The following TNNT2 variants were observed in gnomAD, a reference collection of about 807,000 sequenced individuals.
The protein encoded by TNNT2 is troponin T2, cardiac type, also known as troponin T, cardiac muscle.
TNNT2 carries 34 observed loss-of-function variants against 62.4 expected under a neutral mutation model. The observed-to-expected ratio is 0.54, with a 90% CI of 0.41 to 0.72. The LOEUF is 0.72. Among genes scored for constraint, TNNT2 ranks in the 30% least tolerant of loss-of-function variants. The pLI is 0.00. For missense variants in TNNT2, 275 were observed against 381.9 expected (o/e 0.72, Z 2.33); for synonymous variants, 123 against 127.2 (o/e 0.97, Z 0.22).
At chr1:201,370,156 G>A (rs539980759) in intron 4 of TNNT2, among the ~76,000 whole-genome samples, 7 of 152,326 alleles carry the variant, frequency 4.6e-5, no homozygotes, top group Admixed American at 1.3e-4. Context: ...AGGAGCATGC[G>A]ATCTGTGGTA....
intron 6 of TNNT2, among the ~76,000 whole-genome samples, 156 bp downstream of exon 6, chr1:201,368,006 T>C (rs1310364014): frequency 6.6e-6 from 1 of 152,058 alleles, no homozygotes; most frequent in African/African-American, 2.4e-5. Context: ...TGGGTCAACG[T>C]TTGTTGATTG....
rs1183797260 is a variant in TNNT2 at position 201,361,478 on chromosome 1, C to T, written c.720-109G>A. On this transcript the variant is annotated intron_variant, in intron 14 of 16. Coordinates refer to ENST00000656932, the MANE Select transcript of TNNT2 (RefSeq NM_001276345.2). ...GCATCCCAGCCCTCCTTCCCACCTC[C>T]AGGCCTGCCAAGGGTACCCCAGCCC... 2.8e-6 allele frequency: 3 copies of T among 1,078,998 alleles called. No homozygotes were observed. In the Admixed American group the frequency reaches 5.1e-5, roughly 18 times the overall value. 66.8% of individuals were successfully genotyped at this position (1,078,998 alleles called of 1,614,324 possible). A position where few individuals can be genotyped will look rare whatever the true frequency, so the allele number is the denominator to read the frequency against.
Position 201,364,654 on chromosome 1 carries a change from A to C in TNNT2, c.412-279T>G, listed in dbSNP as rs117962659. ...CAGGCTCCTTCTGGGCTCTGCCCCCACCTCCATCCCACCCTGCCCTGGCAG... is the reference window on the plus strand; with the variant it reads ...CAGGCTCCTTCTGGGCTCTGCCCCCCCCTCCATCCCACCCTGCCCTGGCAG... On this transcript the variant is annotated intron_variant, in intron 10 of 16. Coordinates refer to ENST00000656932, the MANE Select transcript of TNNT2 (RefSeq NM_001276345.2). Among the ~76,000 whole-genome samples the C allele has an allele frequency of 1.1e-3, 165 of 152,186 alleles. 2 individuals carry two copies. The East Asian group carries it at 0.031, about 29-fold the overall frequency.
intron 14 of TNNT2, 22 bp downstream of exon 14, chr1:201,361,891 G>A: frequency 6.2e-7 from 1 of 1,608,730 alleles, no homozygotes; most frequent in East Asian, 2.2e-5. Flanking sequence ...AGTGCCCCAG[G>A]ACCATTCCTC....
rs981075714 is a variant in TNNT2 at position 201,363,698 on chromosome 1, C to G, written c.490-292G>C. 64 of 447,280 alleles carry G rather than the reference C, an allele frequency of 1.4e-4. 1 individual carries two copies. Among genetic ancestry groups the G allele is most frequent in the African/African-American group, 1.1e-3 (56 of 50,196 alleles). The allele number at this position is 447,280 out of a possible 1,614,324, so 27.7% of individuals were successfully genotyped here. A position where few individuals can be genotyped will look rare whatever the true frequency, so the allele number is the denominator to read the frequency against. ...TCTGGAAATGCCTTCAGCAGCTGCA[C>G]AGGAAGAGAGCTACGGGGCCTTCGG... On this transcript the variant is annotated intron_variant, in intron 11 of 16. Coordinates refer to ENST00000656932, the MANE Select transcript of TNNT2 (RefSeq NM_001276345.2).
In TNNT2 at chr1:201,368,157, C is replaced by T. The variant is rs727504254; in HGVS notation, c.163+5G>A. On this transcript the variant is annotated splice_donor_5th_base_variant and intron_variant, in intron 6 of 16. Transcript: ENST00000656932. ...AGGCCCCTGCACCCTCAACCAGAGA[C>T]TTACCTTCTGCCCTGGTCTCCTCGG... The T allele has an allele frequency of 6.2e-7, 1 of 1,614,138 alleles. No homozygotes were observed. The highest frequency in any genetic ancestry group is 1.6e-4 in the Middle Eastern group (1 of 6,062).
chr1:201,363,164 C>A, intron 12 of TNNT2, 132 bp downstream of exon 12: 1 of 1,581,888 alleles, frequency 6.3e-7, no homozygotes, highest in South Asian at 1.2e-5. Context: ...ATGAGGAGAC[C>A]TCAGTCTTCC....
intron 5 of TNNT2, among the ~76,000 whole-genome samples, chr1:201,368,776 C>T (rs1035820931): frequency 5.3e-5 from 8 of 152,184 alleles, no homozygotes; most frequent in Middle Eastern, 3.2e-3. Flanking sequence ...ATAAGGGAGA[C>T]AGGATGCCGC....
chr1:201,365,418 G>C, intron 9 of TNNT2, 111 bp from the exon 10 acceptor site: 1 of 1,224,128 alleles, frequency 8.2e-7, no homozygotes, highest in Non-Finnish European at 1.2e-6. Context: ...GCAGGGCCTG[G>C]CGCCTGGCCA....
At chr1:201,364,235 G>T in intron 11 of TNNT2, 63 bp downstream of exon 11, 2 of 1,511,866 alleles carry the variant, frequency 1.3e-6, no homozygotes, top group Non-Finnish European at 1.8e-6. Context: ...AGAGGGGCCT[G>T]GGGGCCCAGC....
At chr1:201,376,707 A>AC (rs1191164632) in intron 1 of TNNT2, among the ~76,000 whole-genome samples, 1 of 152,012 alleles carries the variant, frequency 6.6e-6, no homozygotes, top group Non-Finnish European at 1.5e-5. Context: ...ACACCAGGCA[A>AC]CCCCCTCCCT....
At chr1:201,374,684 T>C (rs1385649951) in intron 1 of TNNT2, 2 of 152,244 alleles carry the variant, frequency 1.3e-5, no homozygotes, top group African/African-American at 4.8e-5. Flanking sequence ...ACTGCTCTTC[T>C]TGGGTAGGTG....
At chr1:201,359,406 G>A (rs1246567062) in intron 16 of TNNT2, 151 bp from the exon 17 acceptor site, 2 of 1,104,432 alleles carry the variant, frequency 1.8e-6, no homozygotes, top group Non-Finnish European at 2.7e-6. Context: ...AGGCTGGAGG[G>A]AAGCTTCTCC....
At chr1:201,367,538 C>T (rs949253627) in intron 7 of TNNT2, 3 of 626,158 alleles carry the variant, frequency 4.8e-6, no homozygotes, top group Admixed American at 2.5e-5. Flanking sequence ...GGGGGCTGGA[C>T]AATGGTCCCC....
At chr1:201,364,472 G>T in intron 10 of TNNT2, 97 bp from the exon 11 acceptor site, 2 of 1,301,028 alleles carry the variant, frequency 1.5e-6, no homozygotes, top group South Asian at 1.2e-5. Context: ...AATTCCTGGG[G>T]GAGGGTTCCT....
At position 201,372,036 on chromosome 1, in the gene TNNT2, C is replaced by A. The variant is rs1211720474; in HGVS notation, c.58G>T (p.Ala20Ser). Residue 20 changes from alanine (A) to serine (S), a missense_variant, in exon 4 of 17, where the codon GCT becomes TCT. Coordinates refer to ENST00000656932, the MANE Select transcript of TNNT2 (RefSeq NM_001276345.2). ...EYEEEEQEEA[A>S]VEEEEDWRED... ...TGCCTGAGGCACATACCTTCAACAG[C>A]TGCTTCTGCTCAGAAGAGAAGTCCA... 2 of 1,572,492 alleles carry A rather than the reference C, an allele frequency of 1.3e-6. No homozygotes were observed. Among genetic ancestry groups the A allele is most frequent in the Non-Finnish European group, 8.6e-7 (1 of 1,158,066 alleles).
intron 4 of TNNT2, among the ~76,000 whole-genome samples, chr1:201,370,988 T>C (rs752592055): frequency 1.3e-5 from 2 of 152,234 alleles, no homozygotes; most frequent in Non-Finnish European, 2.9e-5. Context: ...CTGTGGCCTC[T>C]TTCAGTTTCT....
chr1:201,364,236 G>A, intron 11 of TNNT2, 62 bp downstream of exon 11: 1 of 1,519,148 alleles, frequency 6.6e-7, no homozygotes, highest in South Asian at 1.2e-5. Context: ...GAGGGGCCTG[G>A]GGGCCCAGCA....
At position 201,359,044 on chromosome 1, in the gene TNNT2, T is replaced by C. The variant is rs1330193623; in HGVS notation, c.*166A>G. The C allele has an allele frequency of 1.3e-6, 1 of 765,204 alleles. No individual in the cohort carries two copies. The highest frequency in any genetic ancestry group is 2.3e-6 in the Non-Finnish European group (1 of 444,154). The allele number at this position is 765,204 out of a possible 1,614,324, so 47.4% of individuals were successfully genotyped here. A position where few individuals can be genotyped will look rare whatever the true frequency, so the allele number is the denominator to read the frequency against. On this transcript the variant is annotated 3_prime_UTR_variant, in exon 17 of 17. Transcript: ENST00000656932. ...GTGTGGTGGCTTTTTATTACTGGTGTGGAGTGGGTGTGGGGGCAGGCAGGA... is the reference window on the plus strand; with the variant it reads ...GTGTGGTGGCTTTTTATTACTGGTGCGGAGTGGGTGTGGGGGCAGGCAGGA...
Sources: gnomAD v4.1 joint callset for allele counts (sites outside exome capture counted in the v4.1 genomes callset) on GRCh38, gnomAD v4.1.1 for gene constraint, MANE v1.5 for transcripts, NCBI Gene and HGNC (gene_info 2026-07-23, HGNC 2026-07-21) for gene names.